The following GAB1 variants were observed in gnomAD, a reference collection of about 807,000 sequenced individuals.
GAB1 encodes the protein GRB2-associated-binding protein 1.
Under a neutral mutation model 66.5 loss-of-function variants are expected in GAB1, and 19 were observed. The ratio of observed to expected loss-of-function variants is 0.29; its 90% CI spans 0.20 to 0.42. The LOEUF (loss-of-function observed/expected upper bound fraction) is 0.42, where lower values mean the gene tolerates loss of function less well. Ranked by LOEUF, GAB1 falls within the 10% of genes least tolerant of loss-of-function variation. The pLI is 1.00. For synonymous variants in GAB1, 294 were observed against 301.4 expected (o/e 0.98, Z 0.25); for missense variants, 732 against 858.5 (o/e 0.85, Z 1.84).
intron 6 of GAB1, among the ~76,000 whole-genome samples, chr4:143,446,107 T>C (rs1481501872): frequency 4.6e-5 from 7 of 152,088 alleles, no homozygotes; most frequent in African/African-American, 7.2e-5. Context: ...TCCATGTCCC[T>C]ACAAAGGACA....
At position 143,433,625 on chromosome 4, in the gene GAB1, C is replaced by A. The variant is rs766080514; in HGVS notation, c.502C>A (p.Pro168Thr). Reference protein sequence around the residue: ...LPPPYQLINVPPHLETLGIQE... With the variant: ...LPPPYQLINVTPHLETLGIQE... ...TCCTCCATATCAGCTAATCAATGTT[C>A]CACCACACCTGGAAACTCTTGGCAT... is the stretch of plus-strand genomic sequence containing the variant. Residue 168 changes from proline to threonine, a missense_variant, in exon 3 of 10, where the codon CCA becomes ACA. Physicochemically the swap from Pro to Thr is conservative, Grantham distance 38 (BLOSUM62 -1). Coordinates refer to ENST00000262994, the MANE Select transcript of GAB1 (RefSeq NM_002039.4). 2.9e-5 allele frequency: 47 copies of A among 1,613,856 alleles called. No homozygotes were observed. The Admixed American group carries it at 7.8e-4, about 27-fold the overall frequency.
intron 6 of GAB1, among the ~76,000 whole-genome samples, chr4:143,447,349 G>C (rs564142022): frequency 6.6e-6 from 1 of 152,302 alleles, no homozygotes; most frequent in Non-Finnish European, 1.5e-5. Flanking sequence ...TTGGTAGATT[G>C]ATGGGGATGG....
Position 143,459,451 on chromosome 4 carries a change from C to T in GAB1, c.1652C>T (p.Ser551Phe). Reference protein sequence around the residue: ...EWEELQAPVRSPITRSFARDS... With the variant: ...EWEELQAPVRFPITRSFARDS... ...GAAGAATTACAAGCCCCAGTTAGAT[C>T]TCCCATCACTAGGAGTTTTGCTCGA... The change falls in exon 7 of 10, where the codon TCT (serine) becomes TTT (phenylalanine). Residue 551 changes from serine (S) to phenylalanine (F), a missense_variant. Coordinates refer to ENST00000262994, the MANE Select transcript of GAB1 (RefSeq NM_002039.4). 6.2e-7 allele frequency: 1 copy of T among 1,600,020 alleles called. No individual in the cohort carries two copies. The highest frequency in any genetic ancestry group is 8.6e-7 in the Non-Finnish European group (1 of 1,167,290).
intron 1 of GAB1, among the ~76,000 whole-genome samples, chr4:143,372,496 G>A (rs1167413512): frequency 3.9e-5 from 6 of 152,072 alleles, no homozygotes; most frequent in Non-Finnish European, 7.3e-5. Context: ...TATGGTCTCT[G>A]TAGGTGATAA....
intron 2 of GAB1, among the ~76,000 whole-genome samples, chr4:143,429,868 CAG>C (rs1733557646): frequency 1.3e-5 from 2 of 152,312 alleles, no homozygotes; most frequent in South Asian, 4.1e-4. Context: ...AGAAGAGAGG[CAG>C]AGAGACAACT....
chr4:143,457,028 T>G (rs551011498), intron 6 of GAB1, among the ~76,000 whole-genome samples: 2 of 152,334 alleles, frequency 1.3e-5, no homozygotes, highest in African/African-American at 4.8e-5. Flanking sequence ...TCTAAACATG[T>G]AATTCTTGCA....
At chr4:143,413,333 T>C (rs547420544) in intron 1 of GAB1, among the ~76,000 whole-genome samples, 3 of 152,220 alleles carry the variant, frequency 2.0e-5, no homozygotes, top group Non-Finnish European at 4.4e-5. Context: ...ATTCAATGAA[T>C]GGATTTTTAT....
chr4:143,469,326 A>C lies in GAB1; in HGVS notation c.*137A>C, dbSNP rs1560793267. On this transcript the variant is annotated 3_prime_UTR_variant, in exon 10 of 10. Transcript: ENST00000262994. Reference sequence around the variant, plus strand: ...TGAAGTCAAAGGACCTTTCTGACATAATCAAGCAATTTAGACTTAAGTGGT... The same window carrying C: ...TGAAGTCAAAGGACCTTTCTGACATCATCAAGCAATTTAGACTTAAGTGGT... 1.7e-5 allele frequency: 14 copies of C among 840,586 alleles called. No homozygotes were observed. In the South Asian group the frequency reaches 2.0e-4, roughly 12 times the overall value. 52.1% of individuals were successfully genotyped at this position (840,586 alleles called of 1,614,324 possible). A position where few individuals can be genotyped will look rare whatever the true frequency, so the allele number is the denominator to read the frequency against.
chr4:143,418,890 A>G (rs1005703097), intron 2 of GAB1, among the ~76,000 whole-genome samples: 12 of 152,160 alleles, frequency 7.9e-5, no homozygotes, highest in Non-Finnish European at 7.4e-5. Flanking sequence ...CGTCTTGTCT[A>G]TTTGGCCACC....
chr4:143,349,207 T>A, intron 1 of GAB1: 1 of 571,124 alleles, frequency 1.8e-6, no homozygotes, highest in Non-Finnish European at 2.9e-6. Context: ...AGTTATATAT[T>A]ATTTTTCATT....
intron 1 of GAB1, among the ~76,000 whole-genome samples, chr4:143,340,178 T>A (rs995704155): frequency 6.6e-6 from 1 of 152,224 alleles, no homozygotes. Context: ...GATATAGACA[T>A]GTATACGTGC....
At chr4:143,467,214 C>G (rs1394069512) in intron 9 of GAB1, among the ~76,000 whole-genome samples, 1 of 152,244 alleles carries the variant, frequency 6.6e-6, no homozygotes, top group Non-Finnish European at 1.5e-5. Flanking sequence ...TATCCCACTA[C>G]TGTCTTGCTT....
chr4:143,402,848 T>C (rs183577121), intron 1 of GAB1, among the ~76,000 whole-genome samples: 110 of 152,372 alleles, frequency 7.2e-4, no homozygotes, highest in African/African-American at 2.3e-3. Context: ...GGTTTATATT[T>C]AGAAGACAGT....
At chr4:143,447,144 A>G (rs1734600959) in intron 6 of GAB1, among the ~76,000 whole-genome samples, 1 of 151,806 alleles carries the variant, frequency 6.6e-6, no homozygotes, top group Admixed American at 6.6e-5. Flanking sequence ...GTTCTGTTCC[A>G]TTGATCTATA....
chr4:143,460,540 AG>A, intron 8 of GAB1, 53 bp downstream of exon 8: 1 of 1,562,286 alleles, frequency 6.4e-7, no homozygotes, highest in Non-Finnish European at 8.8e-7. Context: ...CAGTCATTCA[AG>A]CTAGAACTGT....
intron 2 of GAB1, 38 bp downstream of exon 2, chr4:143,415,809 T>G (rs1279071905): frequency 2.8e-6 from 4 of 1,411,820 alleles, no homozygotes; most frequent in Admixed American, 2.3e-5. Flanking sequence ...TGAATTCTTC[T>G]TTTCTGCTAC....
intron 8 of GAB1, among the ~76,000 whole-genome samples, chr4:143,462,662 CT>C (rs936142853): frequency 5.7e-4 from 82 of 144,972 alleles, no homozygotes; most frequent in Middle Eastern, 3.5e-3. Flanking sequence ...TGGTGAATTT[CT>C]TTTTTTTTTT....
At chr4:143,393,950 T>A (rs577717602) in intron 1 of GAB1, among the ~76,000 whole-genome samples, 1 of 152,098 alleles carries the variant, frequency 6.6e-6, no homozygotes, top group South Asian at 2.1e-4. Context: ...TGGAAGATAA[T>A]GTTAGAAGGA....
chr4:143,443,237 C>T (rs992027066), intron 6 of GAB1, among the ~76,000 whole-genome samples: 2 of 151,956 alleles, frequency 1.3e-5, no homozygotes, highest in African/African-American at 4.8e-5. Flanking sequence ...AGGATGGTCT[C>T]GACCTCCTGA....
Sources: gnomAD v4.1 joint callset for allele counts (sites outside exome capture counted in the v4.1 genomes callset) on GRCh38, gnomAD v4.1.1 for gene constraint, MANE v1.5 for transcripts, NCBI Gene and HGNC (gene_info 2026-07-23, HGNC 2026-07-21) for gene names.